CLNK: variants seen among roughly 807,000 people sequenced by gnomAD.
CLNK encodes the protein cytokine-dependent hematopoietic cell linker.
Under a neutral mutation model 68.6 loss-of-function variants are expected in CLNK, and 74 were observed. The ratio of observed to expected loss-of-function variants is 1.08; its 90% CI spans 0.89 to 1.31. CLNK has a LOEUF of 1.31. Among genes scored for constraint, CLNK ranks in the 50% most tolerant of loss-of-function variants. The pLI is 0.00. For missense variants in CLNK, 553 were observed against 515.3 expected (o/e 1.07, Z -0.71); for synonymous variants, 198 against 172.2 (o/e 1.15, Z -1.17).
At chr4:10,647,163 T>C (rs1723544588) in intron 2 of CLNK, among the ~76,000 whole-genome samples, 1 of 152,202 alleles carries the variant, frequency 6.6e-6, no homozygotes, top group African/African-American at 2.4e-5. Flanking sequence ...ACAGAAATCA[T>C]AGCTCATCAT....
At chr4:10,597,097 A>G (rs1453508178) in intron 3 of CLNK, among the ~76,000 whole-genome samples, 1 of 152,228 alleles carries the variant, frequency 6.6e-6, no homozygotes, top group African/African-American at 2.4e-5. Context: ...GCTTAGGATA[A>G]TTATTTATTC....
chr4:10,499,996 G>A (rs1423501342), intron 18 of CLNK, among the ~76,000 whole-genome samples: 1 of 152,166 alleles, frequency 6.6e-6, no homozygotes, highest in Non-Finnish European at 1.5e-5. Flanking sequence ...ACTTCAACGT[G>A]TGGGTTTTTT....
At chr4:10,528,346 T>C (rs920405496) in intron 12 of CLNK, among the ~76,000 whole-genome samples, 1 of 152,238 alleles carries the variant, frequency 6.6e-6, no homozygotes, top group African/African-American at 2.4e-5. Context: ...GCTTTTACGC[T>C]TTTAGAAAGG....
In CLNK at chr4:10,541,753, G is replaced by A. The variant is rs1397542458; in HGVS notation, c.491+269C>T. Among the ~76,000 whole-genome samples, 5 of 152,002 alleles carry A rather than the reference G, an allele frequency of 3.3e-5. 1 individual carries two copies. The highest frequency in any genetic ancestry group is 7.4e-5 in the Non-Finnish European group (5 of 67,990). On this transcript the variant is annotated intron_variant, in intron 10 of 18. Transcript: ENST00000226951. ...AGAAAGGAGAGGAACAGAAAAAAAC[G>A]GGAGGAATACATTCATTGAGAAATG...
chr4:10,617,790 C>A (rs1031490873), intron 2 of CLNK, among the ~76,000 whole-genome samples: 1 of 152,214 alleles, frequency 6.6e-6, no homozygotes, highest in African/African-American at 2.4e-5. Flanking sequence ...GTGGTTCCAA[C>A]TCTGCGCTTT....
intron 1 of CLNK, among the ~76,000 whole-genome samples, chr4:10,682,047 G>T (rs1725111041): frequency 3.3e-5 from 5 of 151,892 alleles, no homozygotes; most frequent in South Asian, 2.1e-4. Context: ...CAAATATTCT[G>T]CCCATAAGAG....
intron 16 of CLNK, among the ~76,000 whole-genome samples, chr4:10,512,233 ATTT>A (rs199665271): frequency 2.8e-5 from 4 of 141,732 alleles, no homozygotes; most frequent in Non-Finnish European, 3.1e-5. Flanking sequence ...AAGGATATGC[ATTT>A]TTTTTTTTTT....
At chr4:10,707,383 A>T in the CLNK span, among the ~76,000 whole-genome samples, 16 of 152,084 alleles carry the variant, frequency 1.1e-4, no homozygotes, top group South Asian at 8.3e-4. Flanking sequence ...ATCAATTGCC[A>T]GTAAGAAAAT....
intron 2 of CLNK, among the ~76,000 whole-genome samples, chr4:10,635,572 T>C (rs1485238716): frequency 6.6e-6 from 1 of 152,096 alleles, no homozygotes; most frequent in Admixed American, 6.5e-5. Context: ...TACTGCAGAG[T>C]ATCAGCAAAA....
chr4:10,507,767 C>T (rs1266500180), intron 17 of CLNK, among the ~76,000 whole-genome samples, 192 bp downstream of exon 17: 1 of 152,150 alleles, frequency 6.6e-6, no homozygotes, highest in Non-Finnish European at 1.5e-5. Context: ...CAGGTGTGAG[C>T]CACTGCGCCC....
chr4:10,516,163 G>A (rs1218311146), intron 15 of CLNK, among the ~76,000 whole-genome samples: 1 of 151,918 alleles, frequency 6.6e-6, no homozygotes, highest in African/African-American at 2.4e-5. Flanking sequence ...TAAGCAAGGA[G>A]TAACTATTTT....
At chr4:10,695,460 TTAAC>T in the CLNK span, among the ~76,000 whole-genome samples, 1 of 152,184 alleles carries the variant, frequency 6.6e-6, no homozygotes, top group African/African-American at 2.4e-5. Flanking sequence ...GGTCTGTGCT[TTAAC>T]TAGCTCATCC....
chr4:10,557,717 C>T (rs1719732719), intron 8 of CLNK, among the ~76,000 whole-genome samples: 1 of 152,158 alleles, frequency 6.6e-6, no homozygotes, highest in Non-Finnish European at 1.5e-5. Flanking sequence ...GTACACTTTC[C>T]CATTAAAGAA....
intron 2 of CLNK, among the ~76,000 whole-genome samples, chr4:10,598,259 A>G (rs958033667): frequency 3.3e-5 from 5 of 152,234 alleles, no homozygotes; most frequent in African/African-American, 1.2e-4. Flanking sequence ...TAAATGTAAG[A>G]GCTTTATTTT....
chr4:10,718,087 A>T, the CLNK span, among the ~76,000 whole-genome samples: 5 of 152,314 alleles, frequency 3.3e-5, no homozygotes, highest in Middle Eastern at 3.4e-3. Flanking sequence ...ATAAAACAAA[A>T]TTCTATACAA....
chr4:10,582,621 T>A (rs1720823779), intron 4 of CLNK, among the ~76,000 whole-genome samples: 1 of 152,066 alleles, frequency 6.6e-6, no homozygotes, highest in African/African-American at 2.4e-5. Flanking sequence ...TCCGAGAAGG[T>A]ATTGACCTTG....
the CLNK span, among the ~76,000 whole-genome samples, chr4:10,690,760 C>A: frequency 6.6e-6 from 1 of 152,150 alleles, no homozygotes; most frequent in East Asian, 1.9e-4. Context: ...CAAGTTCTCA[C>A]AACACTGGTG....
chr4:10,659,076 C>T (rs1451788099), intron 2 of CLNK, among the ~76,000 whole-genome samples: 2 of 152,116 alleles, frequency 1.3e-5, no homozygotes, highest in African/African-American at 4.8e-5. Flanking sequence ...TGGTGGTAGG[C>T]ACCTGTAATC....
the CLNK span, among the ~76,000 whole-genome samples, chr4:10,702,874 T>G: frequency 6.6e-6 from 1 of 152,162 alleles, no homozygotes; most frequent in African/African-American, 2.4e-5. Flanking sequence ...CCCTTCTCAC[T>G]TGATTTATGC....
Sources: allele counts gnomAD v4.1 joint callset (sites outside exome capture counted in the v4.1 genomes callset), GRCh38; gene constraint gnomAD v4.1.1; transcripts MANE v1.5; gene names NCBI Gene and HGNC (gene_info 2026-07-23, HGNC 2026-07-21).